ALDH8A1: variants seen among roughly 807,000 people sequenced by gnomAD.
The protein encoded by ALDH8A1 is 2-aminomuconic semialdehyde dehydrogenase.
In ALDH8A1, 39 loss-of-function variants were observed where a neutral mutation model predicts 43.3. That is an observed-to-expected ratio of 0.90 (90% CI 0.70 to 1.18). The LOEUF is 1.18. Among genes scored for constraint, ALDH8A1 ranks in the 50% most tolerant of loss-of-function variants. The pLI is 0.00. For missense variants in ALDH8A1, 605 were observed against 622.6 expected, an observed-to-expected ratio of 0.97 and a Z score of 0.30; for synonymous variants, 233 against 243.5, an observed-to-expected ratio of 0.96 and a Z score of 0.40.
rs768302068 is a variant in ALDH8A1, at chr6:134,929,166, T to C, written c.899A>G (p.Tyr300Cys). Residue 300 changes from tyrosine (Y) to cysteine (C), a missense_variant, in exon 6 of 7, where the codon TAT (tyrosine) becomes TGT (cysteine). Coordinates refer to ENST00000265605, the MANE Select transcript of ALDH8A1 (RefSeq NM_022568.4). ...TACAAATCTCTTTAAAAATTCACTA[T>C]AGATGCTCTTCTGGACAAAGATCCT... ...TSRIFVQKSI[Y>C]SEFLKRFVEA... 8 of 1,614,176 alleles carry C rather than the reference T, an allele frequency of 5.0e-6. No individual in the cohort carries two copies. In the Admixed American group the frequency reaches 1.3e-4, roughly 27 times the overall value.
intron 4 of ALDH8A1, among the ~76,000 whole-genome samples, chr6:134,933,270 G>A (rs1166931413): frequency 2.0e-5 from 3 of 152,150 alleles, no homozygotes; most frequent in African/African-American, 7.2e-5. Flanking sequence ...TGGATGCTTT[G>A]CCCTAGAGAG....
chr6:134,948,243 G>T (rs1408216286), intron 1 of ALDH8A1, among the ~76,000 whole-genome samples: 1 of 152,156 alleles, frequency 6.6e-6, no homozygotes. Flanking sequence ...GTTACCAGAG[G>T]CTGGGAAGGG....
intron 1 of ALDH8A1, among the ~76,000 whole-genome samples, chr6:134,945,735 G>A (rs971610467): frequency 2.0e-5 from 3 of 152,080 alleles, no homozygotes; most frequent in East Asian, 1.9e-4. Flanking sequence ...CGCTTGACCC[G>A]AAGTAATCTA....
In ALDH8A1 at chr6:134,939,284, T is replaced by C; in HGVS notation, c.574A>G (p.Lys192Glu). Residue 192 changes from lysine to glutamate, a missense_variant, in exon 4 of 7, where the codon AAA becomes GAA. By Grantham distance (56) the Lys-to-Glu change is moderately conservative. Transcript: ENST00000265605. ...LTSVTAWMLC[K>E]LLDKAGVPPG... ...TAATTACCTGCTTTATCCAGGAGTT[T>C]GCACAACATCCACGCAGTCACTGAA... The C allele has an allele frequency of 6.2e-7, 1 of 1,614,220 alleles. No individual in the cohort carries two copies. The highest frequency in any genetic ancestry group is 1.7e-5 in the Admixed American group (1 of 60,020).
chr6:134,948,080 C>A (rs935938975), intron 1 of ALDH8A1, among the ~76,000 whole-genome samples: 3 of 152,082 alleles, frequency 2.0e-5, no homozygotes, highest in African/African-American at 4.8e-5. Flanking sequence ...TAAAAAGGAA[C>A]AAAATCCTGT....
At chr6:134,920,275 T>C (rs1017650305) in intron 6 of ALDH8A1, among the ~76,000 whole-genome samples, 8 of 152,172 alleles carry the variant, frequency 5.3e-5, no homozygotes, top group Non-Finnish European at 1.0e-4. Context: ...CCAACATCCA[T>C]AGTGATCTCA....
intron 2 of ALDH8A1, 24 bp downstream of exon 2, chr6:134,943,795 T>TTACA: frequency 1.2e-6 from 2 of 1,611,628 alleles, no homozygotes; most frequent in Non-Finnish European, 1.7e-6. Flanking sequence ...GAGTCCCATG[T>TTACA]TACAGTTAAG....
chr6:134,938,647 T>A (rs562495231), intron 4 of ALDH8A1, among the ~76,000 whole-genome samples: 134 of 151,990 alleles, frequency 8.8e-4, no homozygotes, highest in Middle Eastern at 3.4e-3. Flanking sequence ...TATTATTTTA[T>A]TTTTTAATTT....
In ALDH8A1 at chr6:134,918,251, C is replaced by A. The variant is rs779182847; in HGVS notation, c.*164G>T. 8 of 659,196 alleles carry A rather than the reference C, an allele frequency of 1.2e-5. No homozygotes were observed. The highest frequency in any genetic ancestry group is 2.1e-5 in the Non-Finnish European group (8 of 388,078). The allele number at this position is 659,196 out of a possible 1,614,324, so 40.8% of individuals were successfully genotyped here. A position where few individuals can be genotyped will look rare whatever the true frequency, so the allele number is the denominator to read the frequency against. On this transcript the variant is annotated 3_prime_UTR_variant, in exon 7 of 7. Coordinates refer to ENST00000265605, the MANE Select transcript of ALDH8A1 (RefSeq NM_022568.4). ...TCCACATTGAAAATAGACAGTATCTCTTCACTAGTGGGTAAAGTTACTAAG... is the reference window on the plus strand; with the variant it reads ...TCCACATTGAAAATAGACAGTATCTATTCACTAGTGGGTAAAGTTACTAAG...
intron 5 of ALDH8A1, among the ~76,000 whole-genome samples, chr6:134,931,737 G>A (rs1218991943): frequency 6.6e-6 from 1 of 152,138 alleles, no homozygotes; most frequent in African/African-American, 2.4e-5. Context: ...ATTGTCTATT[G>A]ATCCAGAAAT....
intron 1 of ALDH8A1, among the ~76,000 whole-genome samples, chr6:134,948,715 G>A (rs1257752570): frequency 2.6e-5 from 4 of 152,204 alleles, no homozygotes; most frequent in African/African-American, 9.6e-5. Context: ...AGGATATTTG[G>A]AAGTTGGATT....
intron 6 of ALDH8A1, among the ~76,000 whole-genome samples, chr6:134,926,045 T>G (rs1456004824): frequency 6.6e-6 from 1 of 152,064 alleles, no homozygotes; most frequent in African/African-American, 2.4e-5. Context: ...TTTCTTAGGT[T>G]ATTCTAAAGA....
At chr6:134,934,264 C>T (rs753482215) in intron 4 of ALDH8A1, among the ~76,000 whole-genome samples, 6 of 152,180 alleles carry the variant, frequency 3.9e-5, no homozygotes, top group Admixed American at 6.5e-5. Context: ...AGGTCAAACA[C>T]GCCATAGTAT....
At position 134,949,907 on chromosome 6, in the gene ALDH8A1, T is replaced by C. The variant is rs770737038; in HGVS notation, c.138+9A>G. ...CACATTTCAGTCTTCTTTAAGTGCA[T>C]ATACTCACCTCGTCTTTTCCACTAT... On this transcript the variant is annotated intron_variant, in intron 1 of 6. Transcript: ENST00000265605. 36 of 1,587,592 alleles carry C rather than the reference T, an allele frequency of 2.3e-5. 1 individual carries two copies. The highest frequency in any genetic ancestry group is 2.7e-5 in the Non-Finnish European group (32 of 1,166,620).
rs370946353 is a variant in ALDH8A1 at position 134,943,954 on chromosome 6, C to T, written c.151G>A (p.Val51Ile). The T allele has an allele frequency of 3.7e-6, 6 of 1,613,854 alleles. No individual in the cohort carries two copies. The African/African-American group carries it at 6.7e-5, about 18-fold the overall frequency. ...NSGKDEIEAA[V>I]KAAREAFPSW... is the part of the protein sequence containing the mutation. Reference sequence around the variant, plus strand: ...GGAAAGGCTTCTCTGGCGGCCTTGACCGCGGCTTCGATCTTTGAGGAGCAA... The same window carrying T: ...GGAAAGGCTTCTCTGGCGGCCTTGATCGCGGCTTCGATCTTTGAGGAGCAA... Residue 51 changes from valine (V) to isoleucine (I), a missense_variant, in exon 2 of 7, where the codon GTC becomes ATC. Val to Ile is a conservative substitution (Grantham distance 29). Coordinates refer to ENST00000265605, the MANE Select transcript of ALDH8A1 (RefSeq NM_022568.4).
Position 134,921,247 on chromosome 6 carries a change from G to A in ALDH8A1, c.1012-2380C>T, listed in dbSNP as rs138697241. On this transcript the variant is annotated intron_variant, in intron 6 of 6. Transcript: ENST00000265605. ...ACAGTGGGCCTTGGTTAGGTCTGAA[G>A]CCTGGCCCTAGCAGGGGATGCACCC... 7.6e-3 allele frequency among the ~76,000 whole-genome samples: 1,164 copies of A among 152,266 alleles called. 13 individuals carry two copies. The highest frequency in any genetic ancestry group is 8.0e-3 in the Non-Finnish European group (541 of 68,026).
intron 2 of ALDH8A1, 97 bp downstream of exon 2, chr6:134,943,722 A>G (rs1773901321): frequency 6.7e-7 from 1 of 1,496,668 alleles, no homozygotes; most frequent in East Asian, 2.3e-5. Flanking sequence ...TTGCCAGAGG[A>G]GCAGGCACAT....
In ALDH8A1 at chr6:134,932,976, C is replaced by A. The variant is rs757034608; in HGVS notation, c.649G>T (p.Ala217Ser). The change falls in exon 5 of 7, where the codon GCC (alanine) becomes TCC (serine). Residue 217 changes from alanine (A) to serine (S), a missense_variant. Physicochemically the swap from Ala to Ser is moderately conservative, Grantham distance 99 (BLOSUM62 1). Coordinates refer to ENST00000265605, the MANE Select transcript of ALDH8A1 (RefSeq NM_022568.4). ...GGCACCTCTGGGTGGGACACCAGGG[C>A]CTCACCCACCCTGGGCCCGGTTCCA... ...VFGTGPRVGE[A>S]LVSHPEVPLI... is the part of the protein sequence containing the mutation. The A allele has an allele frequency of 6.2e-7, 1 of 1,611,020 alleles. No homozygotes were observed. Among genetic ancestry groups the A allele is most frequent in the African/African-American group, 1.3e-5 (1 of 74,890 alleles).
At chr6:134,920,880 A>G (rs1286228727) in intron 6 of ALDH8A1, among the ~76,000 whole-genome samples, 1 of 152,232 alleles carries the variant, frequency 6.6e-6, no homozygotes, top group Non-Finnish European at 1.5e-5. Flanking sequence ...TTAGAAGAGT[A>G]ACCCGAGAGC....
Sources: allele counts gnomAD v4.1 joint callset (sites outside exome capture counted in the v4.1 genomes callset), GRCh38; gene constraint gnomAD v4.1.1; transcripts MANE v1.5; gene names NCBI Gene and HGNC (gene_info 2026-07-23, HGNC 2026-07-21).